Variants in TPST2 observed in about 807,000 individuals in gnomAD.
The protein encoded by TPST2 is tyrosylprotein sulfotransferase 2, also known as protein-tyrosine sulfotransferase 2.
TPST2 carries 16 observed loss-of-function variants against 27.8 expected under a neutral mutation model. The observed-to-expected ratio is 0.58, with a 90% CI of 0.39 to 0.88. The LOEUF is 0.88. Among genes scored for constraint, TPST2 ranks in the 40% least tolerant of loss-of-function variants. The probability of loss-of-function intolerance (pLI) is 0.00; values close to 1 mark genes in which losing one functional copy is unlikely to be tolerated. For synonymous variants in TPST2, 229 were observed against 231.7 expected, an observed-to-expected ratio of 0.99 and a Z score of 0.10; for missense variants, 464 against 543.1, an observed-to-expected ratio of 0.85 and a Z score of 1.45.
chr22:26,531,346 C>T (rs542098494), intron 5 of TPST2, among the ~76,000 whole-genome samples: 4 of 152,078 alleles, frequency 2.6e-5, no homozygotes, highest in East Asian at 3.9e-4. Flanking sequence ...AAAATGGTGC[C>T]GGTGAAACTC....
At chr22:26,566,105 CGTG>C (rs1927366500) in intron 1 of TPST2, among the ~76,000 whole-genome samples, 1 of 152,174 alleles carries the variant, frequency 6.6e-6, no homozygotes, top group African/African-American at 2.4e-5. Flanking sequence ...TTGTGGTTGA[CGTG>C]GTGGGCATGA....
In TPST2 at chr22:26,545,961, C is replaced by T. The variant is rs193281332; in HGVS notation, c.-160-1286G>A. Reference sequence around the variant, plus strand: ...AGGTGATGGTACCTGCCTATAGTCCCGGCTACTTGGGAGGCTTAGATGGGA... The same window carrying T: ...AGGTGATGGTACCTGCCTATAGTCCTGGCTACTTGGGAGGCTTAGATGGGA... On this transcript the variant is annotated intron_variant, in intron 1 of 6. Coordinates refer to ENST00000338754, the MANE Select transcript of TPST2 (RefSeq NM_003595.5). Among the ~76,000 whole-genome samples, 992 of 151,750 alleles carry T rather than the reference C, an allele frequency of 6.5e-3. 5 individuals carry two copies. The highest frequency in any genetic ancestry group is 0.017 in the Middle Eastern group (5 of 292).
intron 1 of TPST2, chr22:26,560,781 A>T: frequency 3.1e-6 from 4 of 1,286,674 alleles, no homozygotes; most frequent in Non-Finnish European, 4.5e-6. Context: ...AGGGGAGACA[A>T]AAAAGAAGTT....
At chr22:26,544,714 C>A (rs760227913) in intron 1 of TPST2, 39 bp from the exon 2 acceptor site, 2 of 978,704 alleles carry the variant, frequency 2.0e-6, no homozygotes, top group Non-Finnish European at 2.4e-6. Context: ...GGGATGGGCA[C>A]TGTGGAGAGG....
At chr22:26,536,130 C>T (rs1272086198) in intron 4 of TPST2, 158 bp downstream of exon 4, 5 of 1,053,884 alleles carry the variant, frequency 4.7e-6, no homozygotes, top group East Asian at 2.6e-5. Flanking sequence ...AATGGAAATA[C>T]AAGCAATCAT....
intron 1 of TPST2, among the ~76,000 whole-genome samples, chr22:26,551,889 T>C (rs1423282700): frequency 7.3e-4 from 101 of 139,170 alleles, no homozygotes; most frequent in African/African-American, 1.3e-3. Flanking sequence ...TTTTCTTTTT[T>C]TTTTTTTTTT....
intron 1 of TPST2, among the ~76,000 whole-genome samples, chr22:26,581,975 C>T (rs886760247): frequency 5.3e-5 from 8 of 152,156 alleles, no homozygotes; most frequent in African/African-American, 1.9e-4. Flanking sequence ...TTTACAAATA[C>T]AGGTAGCGGG....
At chr22:26,560,487 A>G in intron 1 of TPST2, 1 of 775,946 alleles carries the variant, frequency 1.3e-6, no homozygotes, top group South Asian at 1.5e-5. Context: ...CCGGACGGGC[A>G]CTGGGCGACT....
chr22:26,577,698 A>C (rs1602303169), intron 1 of TPST2, among the ~76,000 whole-genome samples: 1 of 111,600 alleles, frequency 9.0e-6, no homozygotes, highest in Admixed American at 1.3e-4. Flanking sequence ...TCTGTCTGCC[A>C]CCCAGGCTGG....
chr22:26,549,922 C>G (rs1926372052), intron 1 of TPST2, among the ~76,000 whole-genome samples: 1 of 150,132 alleles, frequency 6.7e-6, no homozygotes, highest in Non-Finnish European at 1.5e-5. Flanking sequence ...CTTGGGAGCT[C>G]CCAGCTACTC....
rs527689975 is a variant in TPST2 at position 26,568,925 on chromosome 22, C to G, written c.-161+21128G>C. On this transcript the variant is annotated intron_variant, in intron 1 of 6. Transcript: ENST00000338754. The stretch of plus-strand genomic sequence containing the variant: ...GTCTCCCAGGCTGGAGTGCAGTGGC[C>G]CGATCTCGGCTCACTGCAAGCTCCG... 2.7e-5 allele frequency among the ~76,000 whole-genome samples: 4 copies of G among 147,364 alleles called. 1 individual carries two copies. Among genetic ancestry groups the G allele is most frequent in the Middle Eastern group, 7.1e-3 (2 of 282 alleles).
chr22:26,580,546 C>T (rs1254180392), intron 1 of TPST2, among the ~76,000 whole-genome samples: 2 of 152,164 alleles, frequency 1.3e-5, no homozygotes, highest in Non-Finnish European at 2.9e-5. Context: ...CATCCAGAAC[C>T]CCCTTTAATC....
intron 1 of TPST2, among the ~76,000 whole-genome samples, chr22:26,576,643 T>C (rs780987991): frequency 5.3e-5 from 8 of 151,708 alleles, no homozygotes; most frequent in Non-Finnish European, 1.0e-4. Flanking sequence ...GAGGGGAAGG[T>C]AAATAATCAT....
intron 1 of TPST2, among the ~76,000 whole-genome samples, chr22:26,577,265 T>TA (rs35985150): frequency 0.38 from 48,345 of 127,460 alleles, 9,664 homozygotes; most frequent in South Asian, 0.58. Flanking sequence ...ACCCTGTCTT[T>TA]AAAAAAAAAA....
Position 26,541,325 on chromosome 22 carries a change from G to A in TPST2, c.306C>T (p.Ile102=), listed in dbSNP as rs1295692845. 1.0e-5 allele frequency: 16 copies of A among 1,546,390 alleles called. No individual in the cohort carries two copies. The highest frequency in any genetic ancestry group is 1.3e-5 in the Non-Finnish European group (15 of 1,144,418). The change falls in exon 3 of 7, where the codon ATC becomes ATT. Residue 102 remains isoleucine (I), a synonymous_variant. Coordinates refer to ENST00000338754, the MANE Select transcript of TPST2 (RefSeq NM_003595.5). This position sits in a 1 kb window ranked among gnomAD's most constrained non-coding sequence, Gnocchi z 5.9. ...GGCGCATGGCCAGCACGCGCGGGAT[G>A]ATGCGGGTCTCCTCGCCGCAGCGCA... ...PEVRCGEETR[I]IPRVLAMRQA...
chr22:26,577,390 G>C (rs548121273), intron 1 of TPST2, among the ~76,000 whole-genome samples: 1 of 151,592 alleles, frequency 6.6e-6, no homozygotes, highest in African/African-American at 2.4e-5. Flanking sequence ...TGTCGCCCAG[G>C]CTGAAGTGTA....
At chr22:26,562,629 CTTTTT>C (rs201599919) in intron 1 of TPST2, among the ~76,000 whole-genome samples, 5 of 108,292 alleles carry the variant, frequency 4.6e-5, no homozygotes, top group South Asian at 2.7e-4. Flanking sequence ...CTTTTCTTTT[CTTTTT>C]TTTTTTTGAG....
At chr22:26,589,727 C>A (rs888960247) in intron 1 of TPST2, among the ~76,000 whole-genome samples, 10 of 152,188 alleles carry the variant, frequency 6.6e-5, no homozygotes, top group Non-Finnish European at 1.3e-4. Context: ...CCCTCCCCCC[C>A]AGTCCCCCCG....
At chr22:26,544,508 C>T in intron 2 of TPST2, 96 bp downstream of exon 2, 3 of 685,616 alleles carry the variant, frequency 4.4e-6, no homozygotes, top group Non-Finnish European at 5.4e-6. Context: ...TGCCCAGGCA[C>T]CCAATCATGG....
Sources: allele counts gnomAD v4.1 joint callset (sites outside exome capture counted in the v4.1 genomes callset), GRCh38; gene constraint gnomAD v4.1.1; non-coding constraint Gnocchi (gnomAD v3.1); transcripts MANE v1.5; gene names NCBI Gene and HGNC (gene_info 2026-07-23, HGNC 2026-07-21).